Variants in TIMD4 observed in about 807,000 individuals in gnomAD.
TIMD4 encodes the protein T cell immunoglobulin and mucin domain containing 4.
TIMD4 carries 31 observed loss-of-function variants against 41.2 expected under a neutral mutation model. The observed-to-expected ratio is 0.75, with a 90% CI of 0.57 to 1.01. The LOEUF (loss-of-function observed/expected upper bound fraction) is 1.01. Ranked by LOEUF, TIMD4 falls within the 50% of genes least tolerant of loss-of-function variation. The pLI is 0.00. For synonymous variants in TIMD4, 204 were observed against 177.1 expected (o/e 1.15, Z -1.21); for missense variants, 479 against 472.5 (o/e 1.01, Z -0.13).
At chr5:156,921,478 C>T (rs999728367) in intron 7 of TIMD4, among the ~76,000 whole-genome samples, 2 of 151,430 alleles carry the variant, frequency 1.3e-5, no homozygotes, top group African/African-American at 4.9e-5. Flanking sequence ...AAATTAGTCC[C>T]GTGTGATGGC....
intron 7 of TIMD4, among the ~76,000 whole-genome samples, chr5:156,921,616 C>CAAAAAAA (rs66842169): frequency 1.3e-3 from 61 of 47,240 alleles, no homozygotes; most frequent in Non-Finnish European, 1.7e-3. Context: ...GAGACTCTCT[C>CAAAAAAA]AAAAAAAAAA....
At chr5:156,953,765 A>G (rs985775556) in intron 2 of TIMD4, among the ~76,000 whole-genome samples, 7 of 151,972 alleles carry the variant, frequency 4.6e-5, no homozygotes, top group African/African-American at 1.7e-4. Flanking sequence ...TCCAGGTGAC[A>G]CTGATGCAGG....
intron 1 of TIMD4, among the ~76,000 whole-genome samples, chr5:156,961,918 G>A (rs541321386): frequency 2.0e-5 from 3 of 149,974 alleles, no homozygotes; most frequent in African/African-American, 7.3e-5. Context: ...TCAGTCATTT[G>A]CAACAACATG....
At chr5:156,957,512 C>CAAAAA (rs3068101) in intron 1 of TIMD4, among the ~76,000 whole-genome samples, 3,923 of 113,808 alleles carry the variant, frequency 0.034, 380 homozygotes, top group African/African-American at 0.11. Context: ...GAGTCTATCT[C>CAAAAA]AAAAAAAAAA....
At chr5:156,956,043 C>A (rs1484952467) in intron 1 of TIMD4, among the ~76,000 whole-genome samples, 1 of 152,154 alleles carries the variant, frequency 6.6e-6, no homozygotes, top group East Asian at 1.9e-4. Flanking sequence ...ACTGTGGTCA[C>A]CATGCAGTGC....
At chr5:156,935,364 T>G (rs1448336293) in intron 5 of TIMD4, 2 of 152,242 alleles carry the variant, frequency 1.3e-5, no homozygotes, top group Non-Finnish European at 2.9e-5. Flanking sequence ...AAAACTCCTT[T>G]TGAAAGTGGA....
In TIMD4 at chr5:156,948,409, C is replaced by A. The variant is rs138454661; in HGVS notation, c.844+7G>T. The A allele has an allele frequency of 2.1e-6, 3 of 1,395,356 alleles. No individual in the cohort carries two copies. The highest frequency in any genetic ancestry group is 2.8e-6 in the Non-Finnish European group (3 of 1,071,658). The allele number at this position is 1,395,356 out of a possible 1,614,324, so 86.4% of individuals were successfully genotyped here. On this transcript the variant is annotated splice_region_variant and intron_variant, in intron 5 of 8. Coordinates refer to ENST00000274532, the MANE Select transcript of TIMD4 (RefSeq NM_138379.3). ...AAATAAAATAAAAAAAATCACAGCC[C>A]CCCTACCTCCAGGCTGAGGAGAAGA... is the stretch of plus-strand genomic sequence containing the variant.
intron 6 of TIMD4, among the ~76,000 whole-genome samples, chr5:156,923,591 G>A (rs1309743950): frequency 6.6e-6 from 1 of 151,584 alleles, no homozygotes; most frequent in Non-Finnish European, 1.5e-5. Flanking sequence ...AGGCTGGAGT[G>A]CAGTGGCAAT....
At chr5:156,942,748 T>C (rs182200363) in intron 5 of TIMD4, among the ~76,000 whole-genome samples, 40 of 152,320 alleles carry the variant, frequency 2.6e-4, no homozygotes, top group Admixed American at 2.5e-3. Flanking sequence ...CTGGAAGCAT[T>C]AGAATGGCAA....
chr5:156,957,776 T>C (rs1195809638), intron 1 of TIMD4, among the ~76,000 whole-genome samples: 2 of 151,564 alleles, frequency 1.3e-5, no homozygotes, highest in Non-Finnish European at 1.5e-5. Flanking sequence ...TGCAGTGAGC[T>C]ATGATCATAT....
rs1445097502 is a variant in TIMD4, at chr5:156,951,882, G to A, written c.401-92C>T. ...TATCTGGGACCCATCCATTTCTGTTGTCCTCACCTGGTCCACTGGCCTGGA... is the reference window on the plus strand; with the variant it reads ...TATCTGGGACCCATCCATTTCTGTTATCCTCACCTGGTCCACTGGCCTGGA... On this transcript the variant is annotated intron_variant, in intron 2 of 8. Coordinates refer to ENST00000274532, the MANE Select transcript of TIMD4 (RefSeq NM_138379.3). 100 of 1,540,558 alleles carry A rather than the reference G, an allele frequency of 6.5e-5. No homozygotes were observed. In the East Asian group the frequency reaches 2.2e-3, roughly 34 times the overall value.
In TIMD4 at chr5:156,938,560, C is replaced by T. The variant is rs544600781; in HGVS notation, c.844+9856G>A. ...CGAGATCTGATTGTTCTCACACCTTCATTTGTTCTCTCCTCACCCTCTTCT... is the reference window on the plus strand; with the variant it reads ...CGAGATCTGATTGTTCTCACACCTTTATTTGTTCTCTCCTCACCCTCTTCT... On this transcript the variant is annotated intron_variant, in intron 5 of 8. Transcript: ENST00000274532. Among the ~76,000 whole-genome samples the T allele has an allele frequency of 2.6e-3, 399 of 152,306 alleles. 3 individuals carry two copies. The highest frequency in any genetic ancestry group is 6.8e-3 in the Middle Eastern group (2 of 294).
chr5:156,943,928 T>C (rs1247516584), intron 5 of TIMD4, among the ~76,000 whole-genome samples: 1 of 149,204 alleles, frequency 6.7e-6, no homozygotes, highest in Non-Finnish European at 1.5e-5. Flanking sequence ...GGTGTGGTGG[T>C]GGGTGCCTGT....
intron 1 of TIMD4, among the ~76,000 whole-genome samples, chr5:156,960,658 C>T (rs1428522885): frequency 1.3e-5 from 2 of 152,178 alleles, no homozygotes; most frequent in South Asian, 2.1e-4. Flanking sequence ...CCACCAACCT[C>T]GGCCTCCCAA....
chr5:156,922,213 C>A lies in TIMD4; in HGVS notation c.898G>T (p.Asp300Tyr). 4 of 1,612,676 alleles carry A rather than the reference C, an allele frequency of 2.5e-6. No individual in the cohort carries two copies. The highest frequency in any genetic ancestry group is 3.4e-6 in the Non-Finnish European group (4 of 1,178,864). ...TTCTTCATTGACATGGGTATTCCAT[C>A]CATCTGATGGGACACAGGCAAGGAG... is the stretch of plus-strand genomic sequence containing the variant. The part of the protein sequence containing the change: ...QNKTTKTGQM[D>Y]GIPMSMKNEM... Residue 300 changes from aspartate (D) to tyrosine (Y), a missense_variant, in exon 7 of 9, where the codon GAT becomes TAT. Asp to Tyr is a radical substitution (Grantham distance 160, BLOSUM62 -3). Transcript: ENST00000274532.
intron 5 of TIMD4, among the ~76,000 whole-genome samples, chr5:156,937,629 A>G (rs1195779253): frequency 6.6e-6 from 1 of 152,166 alleles, no homozygotes; most frequent in African/African-American, 2.4e-5. Flanking sequence ...TTTGTCTTAC[A>G]TGGACATACC....
At chr5:156,939,391 C>G (rs1759599374) in intron 5 of TIMD4, among the ~76,000 whole-genome samples, 1 of 152,184 alleles carries the variant, frequency 6.6e-6, no homozygotes, top group African/African-American at 2.4e-5. Flanking sequence ...AATGACCTCC[C>G]AAATTATATC....
At chr5:156,940,245 C>T (rs1046700784) in intron 5 of TIMD4, among the ~76,000 whole-genome samples, 1 of 152,268 alleles carries the variant, frequency 6.6e-6, no homozygotes, top group East Asian at 1.9e-4. Flanking sequence ...GACGGAGTCT[C>T]ACTTACACAG....
chr5:156,949,819 T>A, intron 3 of TIMD4, 88 bp from the exon 4 acceptor site: 1 of 786,628 alleles, frequency 1.3e-6, no homozygotes, highest in South Asian at 1.5e-5. Flanking sequence ...TATCTTTTTT[T>A]AATTAATTAA....
Sources: allele counts gnomAD v4.1 joint callset (sites outside exome capture counted in the v4.1 genomes callset), GRCh38; gene constraint gnomAD v4.1.1; transcripts MANE v1.5; gene names NCBI Gene and HGNC (gene_info 2026-07-23, HGNC 2026-07-21).